The following ARHGEF37 variants were observed in gnomAD, a reference collection of about 807,000 sequenced individuals.
ARHGEF37 encodes the protein Rho guanine nucleotide exchange factor 37, also known as Rho guanine nucleotide exchange factor (GEF) 37.
ARHGEF37 carries 55 observed loss-of-function variants against 71.1 expected under a neutral mutation model. That is an observed-to-expected ratio of 0.77 (90% confidence interval 0.62 to 0.97). The LOEUF (loss-of-function observed/expected upper bound fraction) is 0.97, where lower values mean the gene tolerates loss of function less well. Among genes scored for constraint, ARHGEF37 ranks in the 50% least tolerant of loss-of-function variants. The pLI, the probability that ARHGEF37 is intolerant of heterozygous loss-of-function variation, is 0.00. For missense variants in ARHGEF37, 765 were observed against 836.8 expected, an observed-to-expected ratio of 0.91 and a Z score of 1.06; for synonymous variants, 327 against 350.6, an observed-to-expected ratio of 0.93 and a Z score of 0.75.
At chr5:149,590,567 A>G (rs1330338333) in intron 1 of ARHGEF37, among the ~76,000 whole-genome samples, 1 of 150,584 alleles carries the variant, frequency 6.6e-6, no homozygotes. Context: ...GGTGTGAGCC[A>G]CCGCGTCTGG....
chr5:149,609,843 T>C lies in ARHGEF37; in HGVS notation c.458+148T>C, dbSNP rs1014539775. Reference sequence around the variant, plus strand: ...GTGTTAGTCAGGATAGGGCAGGCTGTGCCACAGAGACAAACAGCTCCCACA... The same window carrying C: ...GTGTTAGTCAGGATAGGGCAGGCTGCGCCACAGAGACAAACAGCTCCCACA... On this transcript the variant is annotated intron_variant, in intron 4 of 12. Transcript: ENST00000333677. 15 of 1,116,262 alleles carry C rather than the reference T, an allele frequency of 1.3e-5. No homozygotes were observed. In the Admixed American group the frequency reaches 2.1e-4, roughly 15 times the overall value. The allele number at this position is 1,116,262 out of a possible 1,614,324, so 69.1% of individuals were successfully genotyped here. A position where few individuals can be genotyped will look rare whatever the true frequency, so the allele number is the denominator to read the frequency against.
At chr5:149,626,087 A>G (rs1561810180) in intron 10 of ARHGEF37, among the ~76,000 whole-genome samples, 1 of 152,180 alleles carries the variant, frequency 6.6e-6, no homozygotes, top group Non-Finnish European at 1.5e-5. Context: ...CTGTTTAGAA[A>G]CATTGGGATC....
chr5:149,579,709 G>A (rs936648787), upstream of ARHGEF37, among the ~76,000 whole-genome samples: 2 of 151,986 alleles, frequency 1.3e-5, no homozygotes, highest in Non-Finnish European at 2.9e-5. Context: ...AGTCTCCTGA[G>A]TAGCTGGGAT....
At chr5:149,629,044 A>C (rs1005706937) in intron 12 of ARHGEF37, 78 bp downstream of exon 12, 1 of 1,489,542 alleles carries the variant, frequency 6.7e-7, no homozygotes, top group East Asian at 2.5e-5. Context: ...TCTCTCTCAA[A>C]GTCTATGCCC....
chr5:149,607,551 G>C (rs1763948187), intron 3 of ARHGEF37, among the ~76,000 whole-genome samples: 1 of 152,170 alleles, frequency 6.6e-6, no homozygotes, highest in South Asian at 2.1e-4. Context: ...CACCAAACAG[G>C]ATTTGTGTGA....
rs565293817 is a variant in ARHGEF37 at position 149,632,434 on chromosome 5, C to G, written c.*243C>G. On this transcript the variant is annotated 3_prime_UTR_variant, in exon 13 of 13. Transcript: ENST00000333677. ...GTCTGCATAAAGAACTCATTCCGAC[C>G]TGGGGTCACAATGCACTTGGACAGC... The G allele has an allele frequency of 5.3e-5, 28 of 528,492 alleles. No homozygotes were observed. In the East Asian group the frequency reaches 8.7e-4, roughly 16 times the overall value. 32.7% of individuals were successfully genotyped at this position (528,492 alleles called of 1,614,324 possible).
chr5:149,609,847 A>G (rs7707438), intron 4 of ARHGEF37, 152 bp downstream of exon 4: 933,589 of 1,028,324 alleles, frequency 0.91, 427,525 homozygotes, highest in Non-Finnish European at 0.93. Flanking sequence ...AGGCTGTGCC[A>G]CAGAGACAAA....
At chr5:149,595,322 T>G (rs1440241986) in intron 1 of ARHGEF37, among the ~76,000 whole-genome samples, 2 of 152,142 alleles carry the variant, frequency 1.3e-5, no homozygotes, top group Non-Finnish European at 2.9e-5. Context: ...ACCACAGGCA[T>G]GTACCATCAT....
chr5:149,617,990 C>G (rs923931542), intron 5 of ARHGEF37, among the ~76,000 whole-genome samples, 186 bp from the exon 6 acceptor site: 1 of 152,238 alleles, frequency 6.6e-6, no homozygotes, highest in Non-Finnish European at 1.5e-5. Context: ...AGGCAGGAAG[C>G]TCTTCAGCCA....
chr5:149,622,639 T>C (rs938174721), intron 9 of ARHGEF37, among the ~76,000 whole-genome samples: 3 of 152,174 alleles, frequency 2.0e-5, no homozygotes, highest in Admixed American at 6.5e-5. Context: ...ATAGCAAGCA[T>C]TGAACTCTGA....
At chr5:149,578,891 T>C (rs1027870906), upstream of ARHGEF37, among the ~76,000 whole-genome samples, 1 of 152,150 alleles carries the variant, frequency 6.6e-6, no homozygotes, top group African/African-American at 2.4e-5. Flanking sequence ...AAAATCTGTG[T>C]GACTAGGGTG....
At chr5:149,597,524 G>T (rs773216318) in intron 1 of ARHGEF37, among the ~76,000 whole-genome samples, 1 of 152,208 alleles carries the variant, frequency 6.6e-6, no homozygotes, top group Non-Finnish European at 1.5e-5. Flanking sequence ...CTCCCAAAGT[G>T]CTGGGATTAC....
At chr5:149,624,994 G>A (rs1270111639) in intron 10 of ARHGEF37, among the ~76,000 whole-genome samples, 1 of 148,224 alleles carries the variant, frequency 6.7e-6, no homozygotes, top group African/African-American at 2.5e-5. Flanking sequence ...CACCTCTCAG[G>A]TTCAAGCAAT....
chr5:149,626,851 T>G (rs1561810571), intron 10 of ARHGEF37: 1 of 400,772 alleles, frequency 2.5e-6, no homozygotes, highest in East Asian at 3.7e-5. Flanking sequence ...AATTGGAATT[T>G]TAGAGAATCC....
intron 3 of ARHGEF37, 151 bp downstream of exon 3, chr5:149,601,382 C>T (rs1763751193): frequency 2.3e-6 from 2 of 882,160 alleles, no homozygotes; most frequent in African/African-American, 3.4e-5. Context: ...CATATCAGAG[C>T]CAGCAGGGCC....
intron 12 of ARHGEF37, among the ~76,000 whole-genome samples, chr5:149,631,070 C>T (rs139538673): frequency 9.4e-4 from 143 of 152,192 alleles, no homozygotes; most frequent in Middle Eastern, 3.4e-3. Flanking sequence ...AAATATTAGC[C>T]TAATACATGC....
intron 1 of ARHGEF37, among the ~76,000 whole-genome samples, chr5:149,589,899 T>C (rs1763353697): frequency 6.6e-6 from 1 of 151,912 alleles, no homozygotes; most frequent in African/African-American, 2.4e-5. Context: ...CCTCCTGAGC[T>C]CAAGCAATCC....
intron 3 of ARHGEF37, among the ~76,000 whole-genome samples, chr5:149,606,939 ACAGT>A (rs1763929539): frequency 6.6e-6 from 1 of 152,006 alleles, no homozygotes; most frequent in African/African-American, 2.4e-5. Context: ...ATTTTTTGAG[ACAGT>A]CTTGCTCTGT....
rs759594287 is a variant in ARHGEF37, at chr5:149,621,803, A to G, written c.1076A>G (p.Asn359Ser). Residue 359 changes from asparagine (N) to serine (S), a missense_variant, in exon 9 of 13, where the codon AAC becomes AGC. Asn to Ser is a conservative substitution (Grantham distance 46). Coordinates refer to ENST00000333677, the MANE Select transcript of ARHGEF37 (RefSeq NM_001001669.3). ...SLAKALLGPQ[N>S]LIKKRLDKLL... The stretch of plus-strand genomic sequence containing the variant: ...GCCAAAGCCCTGCTTGGCCCTCAGA[A>G]CCTGATCAAGAAGCGTCTGGACAAG... The G allele has an allele frequency of 6.2e-7, 1 of 1,614,218 alleles. No homozygotes were observed. Among genetic ancestry groups the G allele is most frequent in the Non-Finnish European group, 8.5e-7 (1 of 1,180,034 alleles).
Sources: gnomAD v4.1 joint callset for allele counts (sites outside exome capture counted in the v4.1 genomes callset) on GRCh38, gnomAD v4.1.1 for gene constraint, MANE v1.5 for transcripts, NCBI Gene and HGNC (gene_info 2026-07-23, HGNC 2026-07-21) for gene names.